Variants in CEP128 observed in about 807,000 individuals in gnomAD.
The protein encoded by CEP128 is centrosomal protein 128kDa.
In CEP128, 132 loss-of-function variants were observed where a neutral mutation model predicts 156.7. That is an observed-to-expected ratio of 0.84 (90% confidence interval 0.73 to 0.97). CEP128 has a LOEUF of 0.97. CEP128 is among the 50% of genes least tolerant of loss of function. CEP128 has a pLI of 0.00. For missense variants in CEP128, 1,252 were observed against 1,281.9 expected (o/e 0.98, Z 0.36); for synonymous variants, 469 against 448.9 (o/e 1.04, Z -0.57).
chr14:80,694,764 G>T (rs937981908), intron 19 of CEP128, among the ~76,000 whole-genome samples: 1 of 151,866 alleles, frequency 6.6e-6, no homozygotes, highest in Non-Finnish European at 1.5e-5. Flanking sequence ...TAGGGGGCAA[G>T]GGGAAGGGGA....
chr14:80,703,908 T>G (rs781388811), intron 19 of CEP128, among the ~76,000 whole-genome samples: 72 of 152,190 alleles, frequency 4.7e-4, no homozygotes, highest in African/African-American at 1.7e-3. Context: ...CTCATCCAAC[T>G]AATTTATAGC....
At chr14:80,485,956 T>C (rs1340135156), downstream of CEP128, among the ~76,000 whole-genome samples, 5 of 152,202 alleles carry the variant, frequency 3.3e-5, no homozygotes, top group African/African-American at 4.8e-5. Flanking sequence ...ATAAAATCAC[T>C]GAAGACACTG....
chr14:80,541,977 A>T (rs753073346), intron 21 of CEP128, among the ~76,000 whole-genome samples: 36 of 132,722 alleles, frequency 2.7e-4, no homozygotes, highest in Non-Finnish European at 4.5e-4. Flanking sequence ...AATTTTGCAG[A>T]GTTGTTGTAA....
At chr14:80,893,001 T>C (rs10144692) in intron 8 of CEP128, among the ~76,000 whole-genome samples, 74,861 of 151,736 alleles carry the variant, frequency 0.49, 18,972 homozygotes, top group African/African-American at 0.57. Context: ...AATAAAATCA[T>C]CACCTTGTAA....
intron 6 of CEP128, among the ~76,000 whole-genome samples, chr14:80,902,109 C>T (rs1404397845): frequency 6.6e-6 from 1 of 152,178 alleles, no homozygotes; most frequent in Non-Finnish European, 1.5e-5. Context: ...ATGTCCTCTA[C>T]CATACAATTC....
downstream of CEP128, chr14:80,490,375 A>G (rs1171972207): frequency 6.6e-6 from 1 of 152,208 alleles, no homozygotes; most frequent in Non-Finnish European, 1.5e-5. Flanking sequence ...GAGAAGAAAA[A>G]ATGAAATTGC....
In CEP128 at chr14:80,504,954, G is replaced by C; in HGVS notation, c.3139C>G (p.His1047Asp). ...CTTGGACTAGACAGGAAGCGACTGTGATCCTGCCAAGAGGATGAGTGATCT... is the reference window on the plus strand; with the variant it reads ...CTTGGACTAGACAGGAAGCGACTGTCATCCTGCCAAGAGGATGAGTGATCT... ...GLDHSSSWQD[H>D]SRFLSSPRFS... The change falls in exon 24 of 25, where the codon CAC becomes GAC. Residue 1047 changes from histidine to aspartate, a missense_variant. Coordinates refer to ENST00000555265, the MANE Select transcript of CEP128 (RefSeq NM_152446.5). The C allele has an allele frequency of 1.2e-6, 2 of 1,606,644 alleles. No homozygotes were observed. The highest frequency in any genetic ancestry group is 1.7e-6 in the Non-Finnish European group (2 of 1,175,726).
chr14:80,629,237 G>C (rs933801007), intron 19 of CEP128, among the ~76,000 whole-genome samples: 1 of 152,112 alleles, frequency 6.6e-6, no homozygotes, highest in Non-Finnish European at 1.5e-5. Context: ...TGTGAGTTGT[G>C]TGGTCTTTGA....
At chr14:80,597,121 A>C (rs1440400516) in intron 19 of CEP128, among the ~76,000 whole-genome samples, 1 of 152,080 alleles carries the variant, frequency 6.6e-6, no homozygotes, top group East Asian at 1.9e-4. Context: ...AAAGTCAATG[A>C]AACAATGAGC....
At chr14:80,709,668 T>A (rs766523445) in intron 19 of CEP128, among the ~76,000 whole-genome samples, 9 of 152,202 alleles carry the variant, frequency 5.9e-5, no homozygotes, top group Non-Finnish European at 8.8e-5. Context: ...GTCTTCCTAT[T>A]CAAGGAACTA....
intron 13 of CEP128, among the ~76,000 whole-genome samples, chr14:80,809,763 A>C (rs1884398541): frequency 6.6e-6 from 1 of 152,142 alleles, no homozygotes; most frequent in Non-Finnish European, 1.5e-5. Context: ...ATTATTTTTC[A>C]TATATAAAAA....
intron 15 of CEP128, among the ~76,000 whole-genome samples, chr14:80,784,403 A>T (rs1901286932): frequency 6.6e-6 from 1 of 152,164 alleles, no homozygotes; most frequent in African/African-American, 2.4e-5. Flanking sequence ...ACATTTCCTC[A>T]AATGCAAGAT....
rs776062756 is a variant in CEP128, at chr14:80,504,943, G to A, written c.3150C>T (p.Phe1050=). The change falls in exon 24 of 25, where the codon TTC becomes TTT. Residue 1050 remains phenylalanine, a synonymous_variant. Coordinates refer to ENST00000555265, the MANE Select transcript of CEP128 (RefSeq NM_152446.5). ...HSSSWQDHSR[F]LSSPRFSYVN... is the part of the protein sequence containing the mutation. ...CGTATGAAAATCTTGGACTAGACAGGAAGCGACTGTGATCCTGCCAAGAGG... is the reference window on the plus strand; with the variant it reads ...CGTATGAAAATCTTGGACTAGACAGAAAGCGACTGTGATCCTGCCAAGAGG... The A allele has an allele frequency of 6.3e-7, 1 of 1,578,822 alleles. No homozygotes were observed. Among genetic ancestry groups the A allele is most frequent in the Non-Finnish European group, 8.6e-7 (1 of 1,157,634 alleles).
At position 80,818,472 on chromosome 14, in the gene CEP128, C is replaced by T. The variant is rs556949494; in HGVS notation, c.1209+12671G>A. ...TTCTTCAGGCAAAAAGCAATTGCTA[C>T]GCAATCATATTTCAACACAGCCCTG... On this transcript the variant is annotated intron_variant, in intron 13 of 24. Transcript: ENST00000555265. Among the ~76,000 whole-genome samples, 3 of 152,362 alleles carry T rather than the reference C, an allele frequency of 2.0e-5. No homozygotes were observed. The East Asian group carries it at 5.8e-4, about 29-fold the overall frequency.
At chr14:80,681,142 A>G (rs1292967015) in intron 19 of CEP128, among the ~76,000 whole-genome samples, 1 of 152,168 alleles carries the variant, frequency 6.6e-6, no homozygotes, top group Non-Finnish European at 1.5e-5. Flanking sequence ...CTATAAAAGC[A>G]AAGCCAAGAG....
chr14:80,764,850 A>C (rs1355006770), intron 16 of CEP128, among the ~76,000 whole-genome samples: 1 of 152,204 alleles, frequency 6.6e-6, no homozygotes, highest in Non-Finnish European at 1.5e-5. Context: ...CTTCCAGGTA[A>C]AGATTTCTGT....
intron 19 of CEP128, 22 bp from the exon 20 acceptor site, chr14:80,580,445 C>T (rs1479089381): frequency 6.7e-7 from 1 of 1,501,734 alleles, no homozygotes; most frequent in East Asian, 2.3e-5. Context: ...AAGTAAAATA[C>T]CCATCAAAAT....
At chr14:80,821,346 A>G (rs1408011152) in intron 13 of CEP128, among the ~76,000 whole-genome samples, 1 of 152,228 alleles carries the variant, frequency 6.6e-6, no homozygotes, top group Admixed American at 6.5e-5. Flanking sequence ...CATTATAAAG[A>G]ATACCAACCC....
intron 18 of CEP128, among the ~76,000 whole-genome samples, chr14:80,743,926 C>A (rs928022533): frequency 6.7e-6 from 1 of 150,182 alleles, no homozygotes; most frequent in African/African-American, 2.5e-5. Context: ...GGATAGAGTA[C>A]AGTGGCACGC....
Sources: allele counts gnomAD v4.1 joint callset (sites outside exome capture counted in the v4.1 genomes callset), GRCh38; gene constraint gnomAD v4.1.1; transcripts MANE v1.5; gene names NCBI Gene and HGNC (gene_info 2026-07-23, HGNC 2026-07-21).